MACF1: variants seen among roughly 807,000 people sequenced by gnomAD.
MACF1 encodes the protein microtubule-actin cross-linking factor 1.
In MACF1, 193 loss-of-function variants were observed where a neutral mutation model predicts 854.8. The observed-to-expected ratio is 0.23, with a 90% CI of 0.20 to 0.25. The LOEUF is 0.25. Among genes scored for constraint, MACF1 ranks in the 10% least tolerant of loss-of-function variants. The pLI is 1.00. For synonymous variants in MACF1, 3,185 were observed against 3,226.7 expected, an observed-to-expected ratio of 0.99 and a Z score of 0.44; for missense variants, 7,722 against 8,929.1, an observed-to-expected ratio of 0.86 and a Z score of 5.45.
Position 39,315,409 on chromosome 1 carries a change from G to A in MACF1, c.3271-104G>A. ...TATTCAACCAGCCTCCTATATATGG[G>A]CATTTAGGTGGTTTCCAATATTTAG... is the stretch of plus-strand genomic sequence containing the variant. On this transcript the variant is annotated intron_variant, in intron 26 of 100. Transcript: ENST00000564288. 3.2e-6 allele frequency: 3 copies of A among 934,800 alleles called. No homozygotes were observed. In the South Asian group the frequency reaches 4.8e-5, roughly 15 times the overall value. 57.9% of individuals were successfully genotyped at this position (934,800 alleles called of 1,614,324 possible).
At chr1:39,194,923 T>C (rs1466280500) in intron 2 of MACF1, among the ~76,000 whole-genome samples, 4 of 151,974 alleles carry the variant, frequency 2.6e-5, no homozygotes, top group Admixed American at 6.6e-5. Context: ...TAAACTCCTG[T>C]CCTCAGGCAG....
In MACF1 at chr1:39,429,812, T is replaced by C; in HGVS notation, c.16889-15T>C. 1 of 1,613,332 alleles carries C rather than the reference T, an allele frequency of 6.2e-7. No individual in the cohort carries two copies. The highest frequency in any genetic ancestry group is 8.5e-7 in the Non-Finnish European group (1 of 1,179,434). Reference sequence around the variant, plus strand: ...GGTCTCTTAAATATGAGTAATTGTGTGCTATCTTCCATAGGTGAGGAGGTG... The same window carrying C: ...GGTCTCTTAAATATGAGTAATTGTGCGCTATCTTCCATAGGTGAGGAGGTG... On this transcript the variant is annotated splice_polypyrimidine_tract_variant and intron_variant, in intron 64 of 100. Coordinates refer to ENST00000564288, the MANE Select transcript of MACF1 (RefSeq NM_001394062.1).
At chr1:39,418,759 A>T (rs1398099435) in intron 58 of MACF1, among the ~76,000 whole-genome samples, 1 of 152,154 alleles carries the variant, frequency 6.6e-6, no homozygotes, top group East Asian at 1.9e-4. Flanking sequence ...GTTACTTGAG[A>T]GACTGAGGTG....
At chr1:39,189,263 C>T (rs1023672685) in intron 2 of MACF1, among the ~76,000 whole-genome samples, 35 of 152,184 alleles carry the variant, frequency 2.3e-4, no homozygotes, top group Non-Finnish European at 8.8e-5. Flanking sequence ...CCTGCAGGCA[C>T]TTAGCAGAGA....
At chr1:39,233,808 T>TTTTTTTTTGTTTTTTTTTTTAA (rs755591226) in intron 2 of MACF1, among the ~76,000 whole-genome samples, 1 of 65,772 alleles carries the variant, frequency 1.5e-5, no homozygotes, top group Non-Finnish European at 3.3e-5. Context: ...ATTTATTTTT[T>TTTTTTTTTGTTTTTTTTTTTAA]ATTGATAATT....
Position 39,268,990 on chromosome 1 carries a change from G to A in MACF1, c.528+10962G>A, listed in dbSNP as rs551213310. 166 of 1,287,198 alleles carry A rather than the reference G, an allele frequency of 1.3e-4. No individual in the cohort carries two copies. The African/African-American group carries it at 2.4e-3, about 19-fold the overall frequency. 79.7% of individuals were successfully genotyped at this position (1,287,198 alleles called of 1,614,324 possible). A position where few individuals can be genotyped will look rare whatever the true frequency, so the allele number is the denominator to read the frequency against. On this transcript the variant is annotated intron_variant, in intron 6 of 100. Coordinates refer to ENST00000564288, the MANE Select transcript of MACF1 (RefSeq NM_001394062.1). ...CCTGGGGACTCAGCCCCCAACTCAC[G>A]GGTAGTCGATCGGGGGATGATAGTA...
chr1:39,467,436 G>T (rs1644693863), intron 95 of MACF1, among the ~76,000 whole-genome samples: 1 of 152,148 alleles, frequency 6.6e-6, no homozygotes, highest in Admixed American at 6.5e-5. Context: ...AATGATTTTA[G>T]GAATTCCATT....
intron 6 of MACF1, among the ~76,000 whole-genome samples, chr1:39,260,871 G>T (rs550214533): frequency 6.6e-6 from 1 of 151,806 alleles, no homozygotes; most frequent in Non-Finnish European, 1.5e-5. Context: ...CTTAACAACA[G>T]TAATGTGGTT....
At chr1:39,175,251 C>T (rs1181720535) in intron 2 of MACF1, among the ~76,000 whole-genome samples, 3 of 151,912 alleles carry the variant, frequency 2.0e-5, no homozygotes, top group African/African-American at 7.3e-5. Context: ...TCTCAAATGA[C>T]CCAGAAATTA....
chr1:39,319,740 T>C lies in MACF1; in HGVS notation c.4022T>C (p.Ile1341Thr), dbSNP rs763982858. ...CQKFSQQYST[I>T]VKDYELQLMT... ...AAATTTTCCCAGCAGTACTCTACTA[T>C]TGTAAAGGTAACTTTACCACATCCC... Residue 1341 changes from isoleucine (I) to threonine (T), a missense_variant, in exon 31 of 101, where the codon ATT (isoleucine) becomes ACT (threonine). Around this residue, in one of 15 missense-constraint regions of MACF1, gnomAD observed 1,137 missense variants for 1,263.0 expected, o/e 0.90. Transcript: ENST00000564288. 6.2e-7 allele frequency: 1 copy of C among 1,610,382 alleles called. No individual in the cohort carries two copies. Among genetic ancestry groups the C allele is most frequent in the South Asian group, 1.1e-5 (1 of 90,638 alleles).
At chr1:39,221,777 C>G (rs1644655314) in intron 1 of MACF1, among the ~76,000 whole-genome samples, 1 of 152,198 alleles carries the variant, frequency 6.6e-6, no homozygotes, top group Admixed American at 6.5e-5. Flanking sequence ...CATGCTATTT[C>G]AAGATGTTTC....
At chr1:39,346,180 G>A (rs1392764767) in intron 40 of MACF1, among the ~76,000 whole-genome samples, 1 of 151,938 alleles carries the variant, frequency 6.6e-6, no homozygotes, top group African/African-American at 2.4e-5. Context: ...TGCTAACACA[G>A]TGAAACCCCA....
At chr1:39,169,479 C>T (rs573561254) in intron 2 of MACF1, among the ~76,000 whole-genome samples, 7 of 151,898 alleles carry the variant, frequency 4.6e-5, no homozygotes, top group South Asian at 2.1e-4. Flanking sequence ...GTGGTGTGTG[C>T]CTGTAGTCCC....
rs151212220 is a variant in MACF1, at chr1:39,134,982, T to G, written c.220+50544T>G. ...AGCCCCTGGCAACCACAATTCTACT[T>G]TCTGTTTCTATGCATTTGACTACTC... On this transcript the variant is annotated intron_variant, in intron 2 of 93. Transcript: ENST00000361689. 3.7e-4 allele frequency among the ~76,000 whole-genome samples: 57 copies of G among 152,260 alleles called. No homozygotes were observed. The East Asian group carries it at 6.6e-3, about 18-fold the overall frequency.
intron 6 of MACF1, among the ~76,000 whole-genome samples, chr1:39,273,051 C>T (rs1169745314): frequency 1.3e-5 from 2 of 152,118 alleles, no homozygotes; most frequent in African/African-American, 4.8e-5. Flanking sequence ...CCTTCCTCCT[C>T]CCCATCTTGA....
In MACF1 at chr1:39,477,084, T is replaced by C. The variant is rs1304138139; in HGVS notation, c.21959-2714T>C. On this transcript the variant is annotated intron_variant, in intron 97 of 100. Transcript: ENST00000564288. The stretch of plus-strand genomic sequence containing the variant: ...ATATATATATATATATATATATATA[T>C]ATATATACACACACACACATATATA... Among the ~76,000 whole-genome samples the C allele has an allele frequency of 3.0e-3, 38 of 12,786 alleles. 1 individual carries two copies. The highest frequency in any genetic ancestry group is 4.5e-3 in the African/African-American group (16 of 3,594). The allele number at this position is 12,786 out of a possible 152,430, so 8.4% of individuals were successfully genotyped here. A position where few individuals can be genotyped will look rare whatever the true frequency, so the allele number is the denominator to read the frequency against.
At chr1:39,463,774 G>C in intron 94 of MACF1, 88 bp downstream of exon 94, 1 of 1,147,684 alleles carries the variant, frequency 8.7e-7, no homozygotes, top group Non-Finnish European at 1.3e-6. Flanking sequence ...TAGAGGCCCA[G>C]AGCCCATCGG....
chr1:39,212,507 A>C (rs1046768116), intron 1 of MACF1, among the ~76,000 whole-genome samples: 1 of 152,084 alleles, frequency 6.6e-6, no homozygotes, highest in Non-Finnish European at 1.5e-5. Context: ...CTTTCCTCCA[A>C]CTTCACCCAG....
At chr1:39,279,317 G>C (rs1237544565) in intron 6 of MACF1, among the ~76,000 whole-genome samples, 49 of 151,916 alleles carry the variant, frequency 3.2e-4, no homozygotes, top group Admixed American at 3.2e-3. Flanking sequence ...CTATTCTCAC[G>C]GTCTTTCTTC....
Sources: gnomAD v4.1 joint callset for allele counts (sites outside exome capture counted in the v4.1 genomes callset) on GRCh38, gnomAD v4.1.1 for gene constraint, gnomAD v4.1.1 regional missense constraint, MANE v1.5 for transcripts, NCBI Gene and HGNC (gene_info 2026-07-23, HGNC 2026-07-21) for gene names.